The following MED12L variants were observed in gnomAD, a reference collection of about 807,000 sequenced individuals.
MED12L encodes the protein mediator complex subunit 12L.
A neutral mutation model predicts 281.3 loss-of-function variants in MED12L; 60 were observed. The observed-to-expected ratio is 0.21, with a 90% CI of 0.17 to 0.26. The LOEUF is 0.26. MED12L is among the 10% of genes least tolerant of loss of function. MED12L has a pLI of 1.00. For missense variants in MED12L, 2,146 were observed against 2,680.9 expected (o/e 0.80, Z 4.41); for synonymous variants, 974 against 987.2 (o/e 0.99, Z 0.25).
At chr3:151,294,732 A>G (rs547739873) in intron 16 of MED12L, 63 of 1,614,178 alleles carry the variant, frequency 3.9e-5, no homozygotes, top group Admixed American at 1.2e-4. Context: ...GGCAAAGACA[A>G]AACAGCCATG....
intron 5 of MED12L, among the ~76,000 whole-genome samples, chr3:151,142,708 T>G (rs1717226997): frequency 6.6e-6 from 1 of 152,250 alleles, no homozygotes; most frequent in East Asian, 1.9e-4. Flanking sequence ...TACAGTGGCC[T>G]TGTTTTTTAA....
chr3:151,297,592 G>A (rs1745275998), intron 16 of MED12L, among the ~76,000 whole-genome samples: 1 of 152,126 alleles, frequency 6.6e-6, no homozygotes, highest in African/African-American at 2.4e-5. Context: ...TAGTTCATGA[G>A]CTACAGCATA....
chr3:151,425,289 T>C, intron 43 of MED12L: 1 of 169,792 alleles, frequency 5.9e-6, no homozygotes, highest in Non-Finnish European at 1.3e-5. Context: ...AATTACTAAT[T>C]AGCAGCACAT....
intron 5 of MED12L, among the ~76,000 whole-genome samples, chr3:151,143,378 G>T (rs1412385772): frequency 6.6e-6 from 1 of 152,236 alleles, no homozygotes; most frequent in East Asian, 1.9e-4. Flanking sequence ...TCTAACTACA[G>T]CTGATCATGG....
At chr3:151,280,313 C>T (rs979085831) in intron 16 of MED12L, among the ~76,000 whole-genome samples, 8 of 152,154 alleles carry the variant, frequency 5.3e-5, no homozygotes, top group African/African-American at 9.7e-5. Flanking sequence ...GAACATTAAA[C>T]GCTGATTTGC....
intron 5 of MED12L, among the ~76,000 whole-genome samples, chr3:151,144,565 C>T (rs1421915222): frequency 6.6e-6 from 1 of 152,190 alleles, no homozygotes; most frequent in Non-Finnish European, 1.5e-5. Context: ...CCACGCTGGT[C>T]TCTTTTCTTC....
At chr3:151,380,065 A>G (rs773077412) in intron 31 of MED12L, 48 bp from the exon 32 acceptor site, 1 of 1,159,454 alleles carries the variant, frequency 8.6e-7, no homozygotes, top group Non-Finnish European at 1.2e-6. Context: ...AGAGGAAGTA[A>G]TGCATTATTT....
rs370095367 is a variant in MED12L, at chr3:151,141,178, G to GTTTTTTTTTTTTTTTTTTTT, written c.556+13202_556+13203insTTTTTTTTTTTTTTTTTTTT. ...CACCGTGCCTGGCGTTTTTTTTTTT[G>GTTTTTTTTTTTTTTTTTTTT]TTTTTTTTGTTTTTTTTTTTTTGTT... On this transcript the variant is annotated intron_variant, in intron 5 of 44. Transcript: ENST00000687756. 2.8e-4 allele frequency among the ~76,000 whole-genome samples: 29 copies of GTTTTTTTTTTTTTTTTTTTT among 102,208 alleles called. 1 individual carries two copies. The highest frequency in any genetic ancestry group is 7.7e-4 in the African/African-American group (18 of 23,404). 67.1% of individuals were successfully genotyped at this position (102,208 alleles called of 152,430 possible). A position where few individuals can be genotyped will look rare whatever the true frequency, so the allele number is the denominator to read the frequency against.
rs531425429 is a variant in MED12L at position 151,288,480 on chromosome 3, A to G, written c.2251-61579A>G. 2.6e-5 allele frequency among the ~76,000 whole-genome samples: 4 copies of G among 152,356 alleles called. No homozygotes were observed. The South Asian group carries it at 6.2e-4, about 24-fold the overall frequency. ...GATCCACATCACTAATGGTAATGAT[A>G]TAAGTTGTGTTTGGGTCACAAATAT... On this transcript the variant is annotated intron_variant, in intron 16 of 44. Coordinates refer to ENST00000687756, the MANE Select transcript of MED12L (RefSeq NM_001393769.1).
At chr3:151,218,935 T>C (rs1728796393) in intron 16 of MED12L, among the ~76,000 whole-genome samples, 1 of 151,574 alleles carries the variant, frequency 6.6e-6, no homozygotes. Context: ...GTCTTGAAAT[T>C]TTCTTCAGTG....
intron 16 of MED12L, among the ~76,000 whole-genome samples, chr3:151,218,378 G>T (rs887099170): frequency 1.3e-5 from 2 of 152,184 alleles, no homozygotes; most frequent in Non-Finnish European, 2.9e-5. Context: ...TAAGCAGGCA[G>T]TCTGGTGAGC....
At chr3:151,430,256 C>T in intron 43 of MED12L, 43 bp from the exon 44 acceptor site, 1 of 1,612,552 alleles carries the variant, frequency 6.2e-7, no homozygotes, top group Non-Finnish European at 8.5e-7. Context: ...CTGTGATTGG[C>T]ACCATGGAAT....
rs1718584049 is a variant in MED12L at position 151,424,116 on chromosome 3, C to A, written c.6409-6183C>A. ...AGTAGCAGGCACAGATAATATGATTCTCCTTTTGAAGTGGAAGAAATTAGG... is the reference window on the plus strand; with the variant it reads ...AGTAGCAGGCACAGATAATATGATTATCCTTTTGAAGTGGAAGAAATTAGG... On this transcript the variant is annotated intron_variant, in intron 43 of 44. Coordinates refer to ENST00000687756, the MANE Select transcript of MED12L (RefSeq NM_001393769.1). Among the ~76,000 whole-genome samples, 3 of 152,172 alleles carry A rather than the reference C, an allele frequency of 2.0e-5. No homozygotes were observed. The South Asian group carries it at 6.2e-4, about 32-fold the overall frequency.
intron 16 of MED12L, among the ~76,000 whole-genome samples, chr3:151,207,727 C>G (rs907922598): frequency 5.3e-5 from 8 of 152,080 alleles, no homozygotes; most frequent in Non-Finnish European, 8.8e-5. Flanking sequence ...GGAAAGATTG[C>G]AGTCATTTTA....
Position 151,106,265 on chromosome 3 carries a change from C to T in MED12L, c.100-10073C>T, listed in dbSNP as rs962102777. ...TCCTTTCCTTTCCTTTTCCTTTTCC[C>T]TTTCCCTTTCCCTTTCCTTTTCCTT... On this transcript the variant is annotated intron_variant, in intron 2 of 44. Transcript: ENST00000687756. 5.6e-4 allele frequency among the ~76,000 whole-genome samples: 73 copies of T among 130,210 alleles called. 1 individual carries two copies. The East Asian group carries it at 8.9e-3, about 16-fold the overall frequency. The allele number at this position is 130,210 out of a possible 152,430, so 85.4% of individuals were successfully genotyped here.
At chr3:151,423,357 TAAC>T (rs1049318874) in intron 43 of MED12L, among the ~76,000 whole-genome samples, 4 of 152,156 alleles carry the variant, frequency 2.6e-5, no homozygotes, top group Non-Finnish European at 5.9e-5. Context: ...TATAAAAAGT[TAAC>T]AACTTGTAAA....
At chr3:151,389,834 C>A in intron 37 of MED12L, 145 bp from the exon 38 acceptor site, 2 of 675,198 alleles carry the variant, frequency 3.0e-6, no homozygotes, top group Non-Finnish European at 4.9e-6. Flanking sequence ...TTTATTAGCA[C>A]TCTTCCTTCC....
At chr3:151,381,036 G>T (rs1432611480) in intron 32 of MED12L, among the ~76,000 whole-genome samples, 6 of 152,228 alleles carry the variant, frequency 3.9e-5, no homozygotes, top group Non-Finnish European at 2.9e-5. Flanking sequence ...ACCAAACACA[G>T]TTCTCCTGGT....
chr3:151,101,586 C>T (rs554652151), intron 2 of MED12L, among the ~76,000 whole-genome samples: 3 of 151,738 alleles, frequency 2.0e-5, no homozygotes, highest in East Asian at 3.9e-4. Context: ...AAAGGCAGGA[C>T]CTGAATGGGT....
Sources: allele counts gnomAD v4.1 joint callset (sites outside exome capture counted in the v4.1 genomes callset), GRCh38; gene constraint gnomAD v4.1.1; transcripts MANE v1.5; gene names NCBI Gene and HGNC (gene_info 2026-07-23, HGNC 2026-07-21).